CNKSR3: variants seen among roughly 807,000 people sequenced by gnomAD.
The protein encoded by CNKSR3 is CNKSR family member 3.
In CNKSR3, 36 loss-of-function variants were observed where a neutral mutation model predicts 67.7. The ratio of observed to expected loss-of-function variants is 0.53; its 90% CI spans 0.41 to 0.70. The LOEUF (loss-of-function observed/expected upper bound fraction) is 0.70, where lower values mean the gene tolerates loss of function less well. Ranked by LOEUF, CNKSR3 falls within the 30% of genes least tolerant of loss-of-function variation. CNKSR3 has a pLI of 0.00. For missense variants in CNKSR3, 630 were observed against 695.2 expected, an observed-to-expected ratio of 0.91 and a Z score of 1.05; for synonymous variants, 281 against 271.4, an observed-to-expected ratio of 1.04 and a Z score of -0.35.
chr6:154,461,282 G>A (rs1786074733), intron 1 of CNKSR3, among the ~76,000 whole-genome samples: 1 of 152,176 alleles, frequency 6.6e-6, no homozygotes, highest in Non-Finnish European at 1.5e-5. Flanking sequence ...TGGGGTCTGA[G>A]GTGGTCAATG....
chr6:154,447,775 T>C (rs778130714), intron 2 of CNKSR3, among the ~76,000 whole-genome samples: 6 of 152,204 alleles, frequency 3.9e-5, no homozygotes, highest in Non-Finnish European at 7.3e-5. Context: ...TAAGTTTACA[T>C]AGAAACCTCT....
At chr6:154,423,103 A>G in intron 7 of CNKSR3, 120 bp from the exon 8 acceptor site, 2 of 665,630 alleles carry the variant, frequency 3.0e-6, no homozygotes, top group African/African-American at 1.8e-5. Context: ...CAGGAAAAAT[A>G]AAACAATGCA....
chr6:154,468,627 C>A (rs549281789), intron 1 of CNKSR3, among the ~76,000 whole-genome samples: 2 of 152,242 alleles, frequency 1.3e-5, no homozygotes, highest in African/African-American at 4.8e-5. Context: ...TTATTACCTG[C>A]AGTATCTTCT....
intron 1 of CNKSR3, among the ~76,000 whole-genome samples, chr6:154,484,833 G>A (rs1009100545): frequency 7.9e-5 from 12 of 151,872 alleles, no homozygotes; most frequent in East Asian, 3.8e-4. Context: ...GGATGGAGGC[G>A]AAGCTTCTTT....
At chr6:154,483,002 T>C (rs1786596001) in intron 1 of CNKSR3, among the ~76,000 whole-genome samples, 1 of 152,204 alleles carries the variant, frequency 6.6e-6, no homozygotes, top group African/African-American at 2.4e-5. Context: ...TCATTATCTG[T>C]TTCCTCCAAG....
At chr6:154,492,397 T>C (rs1248703839) in intron 1 of CNKSR3, among the ~76,000 whole-genome samples, 1 of 152,130 alleles carries the variant, frequency 6.6e-6, no homozygotes, top group Non-Finnish European at 1.5e-5. Context: ...TTGTCTCCAG[T>C]ATCAACCTTT....
rs1425883002 is a variant in CNKSR3, at chr6:154,389,179, G to C, written c.*17175C>G. The stretch of plus-strand genomic sequence containing the variant: ...AATCATTGACAAGACCAATGTCAAA[G>C]AGCTTTTCGCCTATGTTTTCTTCTA... On this transcript the variant is annotated 3_prime_UTR_variant, in exon 13 of 13. Coordinates refer to ENST00000607772, the MANE Select transcript of CNKSR3 (RefSeq NM_173515.4). The C allele has an allele frequency of 1.3e-5, 2 of 152,170 alleles. No individual in the cohort carries two copies. The highest frequency in any genetic ancestry group is 3.9e-4 in the East Asian group (2 of 5,194). 9.4% of individuals were successfully genotyped at this position (152,170 alleles called of 1,614,324 possible).
intron 1 of CNKSR3, among the ~76,000 whole-genome samples, chr6:154,482,209 A>G (rs897409907): frequency 2.0e-5 from 3 of 152,236 alleles, no homozygotes; most frequent in Non-Finnish European, 4.4e-5. Context: ...ATTGTTTATC[A>G]GGCCACCTCG....
chr6:154,444,723 A>G (rs142583314), intron 2 of CNKSR3, among the ~76,000 whole-genome samples: 10,581 of 151,024 alleles, frequency 0.07, 624 homozygotes, highest in East Asian at 0.21. Context: ...CTCCTGCCTC[A>G]GCCTCCCAAG....
chr6:154,433,035 G>A (rs1215891354), intron 5 of CNKSR3, among the ~76,000 whole-genome samples: 1 of 152,160 alleles, frequency 6.6e-6, no homozygotes, highest in Non-Finnish European at 1.5e-5. Flanking sequence ...GTCAAAAGGA[G>A]GAAGTGATGA....
intron 1 of CNKSR3, among the ~76,000 whole-genome samples, chr6:154,460,234 C>A (rs1050377899): frequency 1.3e-5 from 2 of 152,176 alleles, no homozygotes. Flanking sequence ...CTGAAGAGAT[C>A]ATCAGAATTC....
intron 9 of CNKSR3, among the ~76,000 whole-genome samples, chr6:154,421,207 T>C (rs1785137096): frequency 6.6e-6 from 1 of 152,148 alleles, no homozygotes; most frequent in Admixed American, 6.5e-5. Context: ...AGAGATGGGG[T>C]TTTGCCACGT....
rs1582876701 is a variant in CNKSR3, at chr6:154,457,722, C to A, written c.53-7464G>T. On this transcript the variant is annotated intron_variant, in intron 1 of 12. Transcript: ENST00000607772. ...TGTCTTGCCCGGATTTCTGCAATAACCTAGAAAGTGGTGGCCATGCTCACT... is the reference window on the plus strand; with the variant it reads ...TGTCTTGCCCGGATTTCTGCAATAAACTAGAAAGTGGTGGCCATGCTCACT... 1.3e-5 allele frequency among the ~76,000 whole-genome samples: 2 copies of A among 152,300 alleles called. 1 individual carries two copies. The highest frequency in any genetic ancestry group is 4.1e-4 in the South Asian group (2 of 4,826).
intron 8 of CNKSR3, 114 bp downstream of exon 8, chr6:154,422,801 T>G: frequency 1.7e-6 from 2 of 1,173,096 alleles, no homozygotes; most frequent in Non-Finnish European, 2.5e-6. Context: ...TAGCACAACC[T>G]AAAATAATGA....
intron 1 of CNKSR3, among the ~76,000 whole-genome samples, chr6:154,503,598 G>A (rs1477248324): frequency 6.7e-6 from 1 of 150,304 alleles, no homozygotes; most frequent in Non-Finnish European, 1.5e-5. Flanking sequence ...TCGTACCACT[G>A]CTTTCTAACC....
chr6:154,501,855 A>T (rs1321175285), intron 1 of CNKSR3, among the ~76,000 whole-genome samples: 3 of 152,220 alleles, frequency 2.0e-5, no homozygotes, highest in Admixed American at 2.0e-4. Flanking sequence ...AAAACCGAGA[A>T]GATTCCCCTA....
chr6:154,459,221 G>A (rs1235347544), intron 1 of CNKSR3, among the ~76,000 whole-genome samples: 1 of 152,172 alleles, frequency 6.6e-6, no homozygotes, highest in Non-Finnish European at 1.5e-5. Context: ...GACGATGCAT[G>A]TAAGTCGGGT....
chr6:154,410,308 T>A, intron 12 of CNKSR3, 35 bp downstream of exon 12: 1 of 1,509,606 alleles, frequency 6.6e-7, no homozygotes, highest in Non-Finnish European at 9.2e-7. Context: ...TCACTCCCCA[T>A]TTGCTGTTCC....
chr6:154,504,068 T>C (rs1787048615), intron 1 of CNKSR3, among the ~76,000 whole-genome samples: 1 of 152,244 alleles, frequency 6.6e-6, no homozygotes, highest in African/African-American at 2.4e-5. Flanking sequence ...GATGCTGAAG[T>C]TGCTGGTCAC....
Sources: gnomAD v4.1 joint callset for allele counts (sites outside exome capture counted in the v4.1 genomes callset) on GRCh38, gnomAD v4.1.1 for gene constraint, MANE v1.5 for transcripts, NCBI Gene and HGNC (gene_info 2026-07-23, HGNC 2026-07-21) for gene names.